OSBPL3: variants seen among roughly 807,000 people sequenced by gnomAD.
OSBPL3 encodes oxysterol binding protein like 3.
A neutral mutation model predicts 120.1 loss-of-function variants in OSBPL3; 65 were observed. The observed-to-expected ratio is 0.54, with a 90% CI of 0.44 to 0.67. The LOEUF (loss-of-function observed/expected upper bound fraction) is 0.67. Among genes scored for constraint, OSBPL3 ranks in the 30% least tolerant of loss-of-function variants. The pLI, the probability that OSBPL3 is intolerant of heterozygous loss-of-function variation, is 0.00. For synonymous variants in OSBPL3, 416 were observed against 402.6 expected (o/e 1.03, Z -0.40); for missense variants, 1,004 against 1,082.1 (o/e 0.93, Z 1.01).
intron 1 of OSBPL3, among the ~76,000 whole-genome samples, chr7:24,919,849 C>A (rs1315497153): frequency 2.0e-5 from 3 of 151,320 alleles, no homozygotes; most frequent in African/African-American, 7.3e-5. Context: ...AGGCATATAA[C>A]TACAATAGAC....
rs889423897 is a variant in OSBPL3 at position 24,953,782 on chromosome 7, G to A, written c.-150+26104C>T. Reference sequence around the variant, plus strand: ...ACAACTGGAGCTCCATTTAATAAATGGTCAATGCCTGACTCTCCATTAAAT... The same window carrying A: ...ACAACTGGAGCTCCATTTAATAAATAGTCAATGCCTGACTCTCCATTAAAT... On this transcript the variant is annotated intron_variant, in intron 1 of 22. Coordinates refer to ENST00000313367, the MANE Select transcript of OSBPL3 (RefSeq NM_015550.4). This position sits in a 1 kb window ranked among gnomAD's most constrained non-coding sequence, Gnocchi z 4.3. 1.8e-4 allele frequency among the ~76,000 whole-genome samples: 27 copies of A among 152,180 alleles called. No homozygotes were observed. The highest frequency in any genetic ancestry group is 4.8e-4 in the African/African-American group (20 of 41,442).
intron 1 of OSBPL3, among the ~76,000 whole-genome samples, chr7:24,925,268 G>C (rs548018412): frequency 1.3e-5 from 2 of 152,174 alleles, no homozygotes; most frequent in Non-Finnish European, 2.9e-5. Context: ...TAGAGGGTGG[G>C]TGGTTAGCCT....
intron 1 of OSBPL3, among the ~76,000 whole-genome samples, chr7:24,926,090 A>T (rs180910067): frequency 6.6e-6 from 1 of 152,180 alleles, no homozygotes; most frequent in East Asian, 1.9e-4. Context: ...TGGTCATTGG[A>T]TCCTACTATT....
intron 1 of OSBPL3, among the ~76,000 whole-genome samples, chr7:24,978,208 AAGTTCCT>A (rs1467676271): frequency 6.6e-6 from 1 of 152,240 alleles, no homozygotes; most frequent in Non-Finnish European, 1.5e-5. Flanking sequence ...TAATGTACAA[AAGTTCCT>A]AGTATTGCTA....
At position 24,816,696 on chromosome 7, in the gene OSBPL3, G is replaced by A. The variant is rs1554344858; in HGVS notation, c.1949-8C>T. 1 of 1,573,312 alleles carries A rather than the reference G, an allele frequency of 6.4e-7. No individual in the cohort carries two copies. The highest frequency in any genetic ancestry group is 8.8e-7 in the Non-Finnish European group (1 of 1,142,844). ...TGTTTTTCCATCTCACATCTGAAAT[G>A]AAATACCAAATATTACATTTTTAGC... On this transcript the variant is annotated splice_polypyrimidine_tract_variant and splice_region_variant and intron_variant, in intron 17 of 22. Coordinates refer to ENST00000313367, the MANE Select transcript of OSBPL3 (RefSeq NM_015550.4).
At chr7:24,920,887 TATG>T (rs1810303836) in intron 1 of OSBPL3, among the ~76,000 whole-genome samples, 1 of 152,164 alleles carries the variant, frequency 6.6e-6, no homozygotes, top group South Asian at 2.1e-4. Context: ...CTGTACAAAT[TATG>T]ATAAGACTTG....
chr7:24,890,186 T>C (rs372325354), intron 2 of OSBPL3, among the ~76,000 whole-genome samples: 1 of 152,180 alleles, frequency 6.6e-6, no homozygotes, highest in Non-Finnish European at 1.5e-5. Context: ...AATTTGAAAA[T>C]GACTTTAAAC....
intron 10 of OSBPL3, among the ~76,000 whole-genome samples, chr7:24,858,851 G>C (rs1194703980): frequency 6.6e-6 from 1 of 152,192 alleles, no homozygotes; most frequent in Non-Finnish European, 1.5e-5. Flanking sequence ...CAATGGAGGT[G>C]AAACTCAGGA....
At position 24,947,533 on chromosome 7, in the gene OSBPL3, A is replaced by T. The variant is rs150822409; in HGVS notation, c.-150+32353T>A. ...AAACTACCTTTCCTCAGTCCCTATC[A>T]AGAAATGAATTTCAAAGTAACATTT... On this transcript the variant is annotated intron_variant, in intron 1 of 22. Coordinates refer to ENST00000313367, the MANE Select transcript of OSBPL3 (RefSeq NM_015550.4). This position sits in a 1 kb window ranked among gnomAD's most constrained non-coding sequence, Gnocchi z 4.4. Among the ~76,000 whole-genome samples, 71 of 152,302 alleles carry T rather than the reference A, an allele frequency of 4.7e-4. No individual in the cohort carries two copies. Among genetic ancestry groups the T allele is most frequent in the African/African-American group, 1.6e-3 (68 of 41,570 alleles).
intron 1 of OSBPL3, among the ~76,000 whole-genome samples, chr7:24,929,790 C>T (rs1455967486): frequency 4.6e-5 from 7 of 152,148 alleles, no homozygotes; most frequent in Non-Finnish European, 1.0e-4. Context: ...GTTTCTGATT[C>T]CAAAAGCATA....
At chr7:24,880,417 C>T (rs1216761257) in intron 2 of OSBPL3, among the ~76,000 whole-genome samples, 1 of 152,024 alleles carries the variant, frequency 6.6e-6, no homozygotes, top group Non-Finnish European at 1.5e-5. Flanking sequence ...TGCCTCTCAC[C>T]CCCCTACTCT....
In OSBPL3 at chr7:24,964,708, G is replaced by GC. The variant is rs1816180833; in HGVS notation, c.-150+15177dup. 6.6e-6 allele frequency among the ~76,000 whole-genome samples: 1 copy of GC among 152,190 alleles called. No homozygotes were observed. Among genetic ancestry groups the GC allele is most frequent in the Admixed American group, 6.5e-5 (1 of 15,276 alleles). On this transcript the variant is annotated intron_variant, in intron 1 of 22. Transcript: ENST00000313367. The surrounding 1 kb of genome is among the most constrained non-coding windows in gnomAD (Gnocchi z 4.2). ...AGTATAGATTTTAGTTATTAATACT[G>GC]CAACAGTACTGGTCTATTAATTGTG... is the stretch of plus-strand genomic sequence containing the variant.
Position 24,871,932 on chromosome 7 carries a change from G to C in OSBPL3, c.213+21C>G. On this transcript the variant is annotated intron_variant, in intron 3 of 22. Transcript: ENST00000313367. This position sits in a 1 kb window ranked among gnomAD's most constrained non-coding sequence, Gnocchi z 4.8. Reference sequence around the variant, plus strand: ...GGGGCAGTGTGAGTGCAAATAAAGGGGAGGCCAAGACCAACCTTACCTTAT... The same window carrying C: ...GGGGCAGTGTGAGTGCAAATAAAGGCGAGGCCAAGACCAACCTTACCTTAT... The C allele has an allele frequency of 6.4e-7, 1 of 1,553,716 alleles. No homozygotes were observed. Among genetic ancestry groups the C allele is most frequent in the South Asian group, 1.1e-5 (1 of 89,834 alleles).
In OSBPL3 at chr7:24,964,569, T is replaced by C. The variant is rs1470634595; in HGVS notation, c.-150+15317A>G. 6.6e-6 allele frequency among the ~76,000 whole-genome samples: 1 copy of C among 152,126 alleles called. No individual in the cohort carries two copies. Among genetic ancestry groups the C allele is most frequent in the Non-Finnish European group, 1.5e-5 (1 of 68,028 alleles). On this transcript the variant is annotated intron_variant, in intron 1 of 22. Transcript: ENST00000313367. The surrounding 1 kb of genome is among the most constrained non-coding windows in gnomAD (Gnocchi z 4.2). ...CAAACACAAGGAAAGCCTGAGAAAC[T>C]ATTACAGCCAAGAGGAATCTAAGGA...
At position 24,849,270 on chromosome 7, in the gene OSBPL3, G is replaced by C. The variant is rs554578771; in HGVS notation, c.1159-94C>G. On this transcript the variant is annotated intron_variant, in intron 11 of 22. Coordinates refer to ENST00000313367, the MANE Select transcript of OSBPL3 (RefSeq NM_015550.4). The surrounding 1 kb of genome is among the most constrained non-coding windows in gnomAD (Gnocchi z 5.4). ...CTGCAGGAGCGATCTCTAAGAGCTT[G>C]ATGAAACTCTTAGTGACGTGGTCTG... 6.8e-6 allele frequency: 6 copies of C among 878,182 alleles called. No homozygotes were observed. The highest frequency in any genetic ancestry group is 1.7e-5 in the African/African-American group (1 of 59,298). 54.4% of individuals were successfully genotyped at this position (878,182 alleles called of 1,614,324 possible).
intron 1 of OSBPL3, among the ~76,000 whole-genome samples, chr7:24,961,556 T>C (rs1368976281): frequency 6.6e-6 from 1 of 152,138 alleles, no homozygotes; most frequent in East Asian, 1.9e-4. Context: ...AGAGCTGCCA[T>C]GCCCCATCCA....
At chr7:24,944,617 G>C (rs547847066) in intron 1 of OSBPL3, among the ~76,000 whole-genome samples, 2 of 136,604 alleles carry the variant, frequency 1.5e-5, no homozygotes, top group African/African-American at 5.2e-5. Context: ...GTGAAAGAGC[G>C]AGACTCCAAA....
chr7:24,865,625 C>G (rs1584431055), intron 6 of OSBPL3, among the ~76,000 whole-genome samples, 160 bp from the exon 7 acceptor site: 1 of 152,260 alleles, frequency 6.6e-6, no homozygotes, highest in East Asian at 1.9e-4. Flanking sequence ...TGGCTATCAC[C>G]CCGGCTTGGC....
intron 2 of OSBPL3, among the ~76,000 whole-genome samples, chr7:24,882,599 T>C (rs975400971): frequency 2.0e-5 from 3 of 152,222 alleles, no homozygotes; most frequent in African/African-American, 4.8e-5. Context: ...TTCTTTTCCT[T>C]TGGCAAGATA....
Sources: allele counts gnomAD v4.1 joint callset (sites outside exome capture counted in the v4.1 genomes callset), GRCh38; gene constraint gnomAD v4.1.1; non-coding constraint Gnocchi (gnomAD v3.1); transcripts MANE v1.5; gene names NCBI Gene and HGNC (gene_info 2026-07-23, HGNC 2026-07-21).